Variants in CDH13 observed in about 807,000 individuals in gnomAD.
CDH13 encodes the protein cadherin 13.
CDH13 carries 24 observed loss-of-function variants against 63.8 expected under a neutral mutation model. The observed-to-expected ratio is 0.38, with a 90% CI of 0.27 to 0.53. The LOEUF (loss-of-function observed/expected upper bound fraction) is 0.53. Among genes scored for constraint, CDH13 ranks in the 20% least tolerant of loss-of-function variants. The probability of loss-of-function intolerance (pLI) is 0.85; values close to 1 mark genes in which losing one functional copy is unlikely to be tolerated. For synonymous variants in CDH13, 503 were observed against 355.3 expected, an observed-to-expected ratio of 1.42 and a Z score of -4.67; for missense variants, 1,049 against 903.1, an observed-to-expected ratio of 1.16 and a Z score of -2.07.
intron 2 of CDH13, among the ~76,000 whole-genome samples, chr16:82,892,701 G>C (rs1002108835): frequency 1.3e-5 from 2 of 152,092 alleles, no homozygotes; most frequent in Admixed American, 6.5e-5. Context: ...AATAACTAGA[G>C]AAACAACTAT....
At chr16:82,681,612 A>T (rs1914554311) in intron 1 of CDH13, among the ~76,000 whole-genome samples, 1 of 152,216 alleles carries the variant, frequency 6.6e-6, no homozygotes, top group Non-Finnish European at 1.5e-5. Flanking sequence ...TTTCTTGCTT[A>T]ACCTGGCGGG....
chr16:82,684,645 G>A (rs1914881351), intron 1 of CDH13, among the ~76,000 whole-genome samples: 1 of 151,836 alleles, frequency 6.6e-6, no homozygotes, highest in Non-Finnish European at 1.5e-5. Context: ...ATCCTACCTG[G>A]AGTCTCTACT....
intron 2 of CDH13, among the ~76,000 whole-genome samples, chr16:82,868,749 T>C (rs1316151679): frequency 2.0e-5 from 3 of 152,230 alleles, no homozygotes; most frequent in Non-Finnish European, 2.9e-5. Flanking sequence ...TTGAGGTGTT[T>C]GATAAAAGGA....
At chr16:83,033,354 A>T (rs1916552432) in intron 3 of CDH13, among the ~76,000 whole-genome samples, 1 of 152,110 alleles carries the variant, frequency 6.6e-6, no homozygotes, top group Non-Finnish European at 1.5e-5. Flanking sequence ...TTTGCATTTA[A>T]CAGGTCATAG....
intron 5 of CDH13, among the ~76,000 whole-genome samples, chr16:83,290,646 C>G (rs972881973): frequency 6.6e-6 from 1 of 151,994 alleles, no homozygotes; most frequent in Non-Finnish European, 1.5e-5. Context: ...TAATATATTC[C>G]CTCTTATCGA....
chr16:83,534,263 A>T (rs1476614710), intron 7 of CDH13, among the ~76,000 whole-genome samples: 1 of 152,242 alleles, frequency 6.6e-6, no homozygotes, highest in Non-Finnish European at 1.5e-5. Flanking sequence ...GTTCAGAGGC[A>T]GAGCTGTGGA....
At chr16:82,640,368 G>A (rs1019104304) in intron 1 of CDH13, among the ~76,000 whole-genome samples, 4 of 152,124 alleles carry the variant, frequency 2.6e-5, no homozygotes, top group Non-Finnish European at 1.5e-5. Flanking sequence ...TTTTGTTTGT[G>A]TTGAAATTTT....
chr16:83,230,562 G>A, intron 5 of CDH13, among the ~76,000 whole-genome samples: 1 of 152,320 alleles, frequency 6.6e-6, no homozygotes, highest in Non-Finnish European at 1.5e-5. Context: ...GAGGCTGGAA[G>A]ATCACCTGAG....
chr16:83,044,878 G>A (rs1401052894), intron 3 of CDH13, among the ~76,000 whole-genome samples: 1 of 152,184 alleles, frequency 6.6e-6, no homozygotes, highest in Non-Finnish European at 1.5e-5. Context: ...AGTGTTGTCA[G>A]AGGTAAATTT....
intron 6 of CDH13, among the ~76,000 whole-genome samples, chr16:83,394,244 GT>G (rs769320691): frequency 4.5e-4 from 67 of 148,892 alleles, no homozygotes; most frequent in East Asian, 8.0e-4. Context: ...GAACCTAAAA[GT>G]TTTAAAAAAA....
chr16:83,772,417 C>A (rs914281977), intron 11 of CDH13, among the ~76,000 whole-genome samples: 1 of 152,120 alleles, frequency 6.6e-6, no homozygotes, highest in African/African-American at 2.4e-5. Flanking sequence ...CACTGGACAT[C>A]CCAGAAACAC....
At chr16:82,697,141 T>G (rs1351369308) in intron 1 of CDH13, among the ~76,000 whole-genome samples, 1 of 152,202 alleles carries the variant, frequency 6.6e-6, no homozygotes, top group Non-Finnish European at 1.5e-5. Context: ...AGGTCCACAC[T>G]CAGAGGGAAG....
At chr16:83,584,860 A>T (rs940053925) in intron 7 of CDH13, among the ~76,000 whole-genome samples, 2 of 152,182 alleles carry the variant, frequency 1.3e-5, no homozygotes, top group African/African-American at 4.8e-5. Context: ...GGCAGAGGGC[A>T]AAGCGGGAGT....
chr16:83,648,578 A>G (rs1912061672), intron 8 of CDH13, among the ~76,000 whole-genome samples: 1 of 152,148 alleles, frequency 6.6e-6, no homozygotes, highest in African/African-American at 2.4e-5. Context: ...GGCTTCAACC[A>G]CTGGGTTTCC....
chr16:82,719,423 G>C (rs1205674546), intron 1 of CDH13: 1 of 455,926 alleles, frequency 2.2e-6, no homozygotes, highest in Admixed American at 2.3e-5. Flanking sequence ...CAATGGCTTG[G>C]AGTCTGAGGC....
intron 8 of CDH13, among the ~76,000 whole-genome samples, chr16:83,612,829 A>G (rs536519066): frequency 6.6e-6 from 1 of 152,118 alleles, no homozygotes; most frequent in South Asian, 2.1e-4. Flanking sequence ...ACCTTCTGAG[A>G]TATTGTTGTT....
chr16:83,031,951 C>G, intron 2 of CDH13, 59 bp from the exon 3 acceptor site: 3 of 1,338,378 alleles, frequency 2.2e-6, no homozygotes, highest in Non-Finnish European at 3.1e-6. Flanking sequence ...TCAGAGATAT[C>G]TCAGAGATAA....
At chr16:83,646,704 A>C (rs1476271035) in intron 8 of CDH13, among the ~76,000 whole-genome samples, 1,512 of 62,676 alleles carry the variant, frequency 0.024, 34 homozygotes, top group African/African-American at 0.089. Flanking sequence ...AAAAAAAAAA[A>C]AAAAAAAAAC....
At chr16:83,569,829 C>T (rs142779331) in intron 7 of CDH13, among the ~76,000 whole-genome samples, 1,895 of 152,236 alleles carry the variant, frequency 0.012, 26 homozygotes, top group African/African-American at 0.024. Context: ...CTCTGCCTCC[C>T]GGGTTCAAGT....
Sources: allele counts gnomAD v4.1 joint callset (sites outside exome capture counted in the v4.1 genomes callset), GRCh38; gene constraint gnomAD v4.1.1; transcripts MANE v1.5; gene names NCBI Gene and HGNC (gene_info 2026-07-23, HGNC 2026-07-21).